RAMP1: variants seen among roughly 807,000 people sequenced by gnomAD.
The protein encoded by RAMP1 is receptor activity-modifying protein 1.
In RAMP1, 7 loss-of-function variants were observed where a neutral mutation model predicts 8.2. The ratio of observed to expected loss-of-function variants is 0.85; its 90% CI spans 0.49 to 1.60. The LOEUF (loss-of-function observed/expected upper bound fraction) is 1.60, where lower values mean the gene tolerates loss of function less well. RAMP1 is among the 40% of genes most tolerant of loss of function. RAMP1 has a pLI of 0.00. For synonymous variants in RAMP1, 92 were observed against 84.7 expected (o/e 1.09, Z -0.47); for missense variants, 192 against 202.4 (o/e 0.95, Z 0.31).
chr2:237,910,787 TCA>T (rs1179254031), intron 2 of RAMP1, among the ~76,000 whole-genome samples: 1 of 143,618 alleles, frequency 7.0e-6, no homozygotes, highest in African/African-American at 2.6e-5. Flanking sequence ...AAAATAACAG[TCA>T]CACAATGTCA....
intron 1 of RAMP1, among the ~76,000 whole-genome samples, chr2:237,864,609 C>T (rs995343150): frequency 1.3e-4 from 20 of 152,296 alleles, no homozygotes; most frequent in African/African-American, 4.6e-4. Context: ...GTGGGACACC[C>T]AGGGTCAGGA....
rs1279074021 is a variant in RAMP1, at chr2:237,878,416, G to T, written c.191+1054G>T. Among the ~76,000 whole-genome samples, 1 of 152,242 alleles carries T rather than the reference G, an allele frequency of 6.6e-6. No individual in the cohort carries two copies. The highest frequency in any genetic ancestry group is 1.5e-5 in the Non-Finnish European group (1 of 68,042). ...TCCAGACACACCCGGGCACAATTCT[G>T]TGGGGTTGAAGACCCCTAGTTGGAC... On this transcript the variant is annotated intron_variant, in intron 2 of 2. Transcript: ENST00000254661. This position sits in a 1 kb window ranked among gnomAD's most constrained non-coding sequence, Gnocchi z 5.7.
In RAMP1 at chr2:237,877,409, AG is replaced by A; in HGVS notation, c.191+52del. The A allele has an allele frequency of 6.3e-7, 1 of 1,583,236 alleles. No individual in the cohort carries two copies. Among genetic ancestry groups the A allele is most frequent in the African/African-American group, 1.3e-5 (1 of 74,520 alleles). On this transcript the variant is annotated intron_variant, in intron 2 of 2. Coordinates refer to ENST00000254661, the MANE Select transcript of RAMP1 (RefSeq NM_005855.4). This position sits in a 1 kb window ranked among gnomAD's most constrained non-coding sequence, Gnocchi z 4.4. ...GGGCAGGACACGGTTGGGGAGGGAG[AG>A]GGGGCAAGCGGAGGAGGAGTGGACC... is the stretch of plus-strand genomic sequence containing the variant.
At position 237,902,479 on chromosome 2, in the gene RAMP1, GA is replaced by G. The variant is rs554774997; in HGVS notation, c.192-9047del. Among the ~76,000 whole-genome samples the G allele has an allele frequency of 3.1e-3, 473 of 151,878 alleles. 5 individuals carry two copies. Among genetic ancestry groups the G allele is most frequent in the African/African-American group, 0.011 (437 of 41,390 alleles). On this transcript the variant is annotated intron_variant, in intron 2 of 2. Coordinates refer to ENST00000254661, the MANE Select transcript of RAMP1 (RefSeq NM_005855.4). Reference sequence around the variant, plus strand: ...GAGGTCTCCGCAGAGGGGGTGGGGGGAACACAGCGAGGAGGAAAGTGGGGTC... The same window carrying G: ...GAGGTCTCCGCAGAGGGGGTGGGGGGACACAGCGAGGAGGAAAGTGGGGTC...
At chr2:237,911,378 C>A in intron 2 of RAMP1, 150 bp from the exon 3 acceptor site, 1 of 1,170,546 alleles carries the variant, frequency 8.5e-7, no homozygotes, top group Non-Finnish European at 1.2e-6. Context: ...CCCTGCCCTC[C>A]TGGATCCAGG....
chr2:237,895,563 C>T (rs550831242), intron 2 of RAMP1, among the ~76,000 whole-genome samples: 4 of 152,272 alleles, frequency 2.6e-5, no homozygotes, highest in African/African-American at 9.6e-5. Flanking sequence ...CCGATGGAGG[C>T]GGCCAGTTGG....
chr2:237,874,419 C>T (rs765176855), intron 1 of RAMP1, among the ~76,000 whole-genome samples: 17 of 152,194 alleles, frequency 1.1e-4, no homozygotes, highest in Non-Finnish European at 2.2e-4. Context: ...TTGTGCAGAC[C>T]CCGCTTCCCA....
At chr2:237,894,573 C>T (rs573698931) in intron 2 of RAMP1, among the ~76,000 whole-genome samples, 5 of 152,338 alleles carry the variant, frequency 3.3e-5, no homozygotes, top group South Asian at 4.1e-4. Context: ...CTGAATCCCC[C>T]GCCCCAGATG....
chr2:237,892,491 C>T (rs1262399946), intron 2 of RAMP1, among the ~76,000 whole-genome samples: 1 of 152,040 alleles, frequency 6.6e-6, no homozygotes. Flanking sequence ...AACTCCTGGG[C>T]TCAAGCAATC....
chr2:237,888,248 T>TTTCA (rs1405061398), intron 2 of RAMP1, among the ~76,000 whole-genome samples: 15 of 152,152 alleles, frequency 9.9e-5, no homozygotes, highest in Admixed American at 9.8e-4. Flanking sequence ...AGAGACAGGG[T>TTTCA]TTCACTATGT....
chr2:237,908,421 G>GTGGTGGTGGTGGTGGTA (rs1559956324), intron 2 of RAMP1, among the ~76,000 whole-genome samples: 2 of 52,584 alleles, frequency 3.8e-5, no homozygotes, highest in Non-Finnish European at 1.0e-4. Context: ...TGGTGGTGGT[G>GTGGTGGTGGTGGTGGTA]GTGGTGGTGG....
chr2:237,861,455 G>A (rs921554666), intron 1 of RAMP1, among the ~76,000 whole-genome samples: 1 of 152,162 alleles, frequency 6.6e-6, no homozygotes, highest in Non-Finnish European at 1.5e-5. Flanking sequence ...TACCAAGAAT[G>A]GCAATGTGGA....
At chr2:237,866,989 G>A (rs1182813542) in intron 1 of RAMP1, among the ~76,000 whole-genome samples, 1 of 152,126 alleles carries the variant, frequency 6.6e-6, no homozygotes, top group Non-Finnish European at 1.5e-5. Context: ...TTGGCTTCCC[G>A]AAGTGCTGGG....
In RAMP1 at chr2:237,862,394, C is replaced by A. The variant is rs578178954; in HGVS notation, c.52+2667C>A. ...TTTGTCTTCCTTCCACAGGCGCATG[C>A]CTGTCAGCGTGCTTATTACCAGTCC... is the stretch of plus-strand genomic sequence containing the variant. On this transcript the variant is annotated intron_variant, in intron 1 of 2. Transcript: ENST00000254661. The surrounding 1 kb of genome is among the most constrained non-coding windows in gnomAD (Gnocchi z 4.0). 6.6e-6 allele frequency among the ~76,000 whole-genome samples: 1 copy of A among 152,276 alleles called. No individual in the cohort carries two copies. Among genetic ancestry groups the A allele is most frequent in the Non-Finnish European group, 1.5e-5 (1 of 68,020 alleles).
At chr2:237,861,847 G>A (rs1407205713) in intron 1 of RAMP1, among the ~76,000 whole-genome samples, 5 of 131,594 alleles carry the variant, frequency 3.8e-5, no homozygotes, top group Admixed American at 7.6e-5. Context: ...GTGAAACTCC[G>A]TCTCAAAAAA....
chr2:237,882,778 G>A (rs1488177199), intron 2 of RAMP1, among the ~76,000 whole-genome samples: 1 of 152,072 alleles, frequency 6.6e-6, no homozygotes, highest in African/African-American at 2.4e-5. Flanking sequence ...GAGAGAACAC[G>A]AAGGCACAAA....
intron 1 of RAMP1, among the ~76,000 whole-genome samples, chr2:237,875,846 C>T (rs2062297792): frequency 6.6e-6 from 1 of 152,084 alleles, no homozygotes; most frequent in Non-Finnish European, 1.5e-5. Context: ...CCCACCCCAC[C>T]CCTGCATGGC....
At position 237,881,666 on chromosome 2, in the gene RAMP1, G is replaced by C. The variant is rs568607101; in HGVS notation, c.191+4304G>C. Among the ~76,000 whole-genome samples the C allele has an allele frequency of 3.3e-5, 5 of 152,338 alleles. No homozygotes were observed. In the East Asian group the frequency reaches 9.6e-4, roughly 29 times the overall value. Reference sequence around the variant, plus strand: ...ATGTGAGTTTGCATTTCTGTACTTAGGAGTGAATCCGAACATCTTTCGTAT... The same window carrying C: ...ATGTGAGTTTGCATTTCTGTACTTACGAGTGAATCCGAACATCTTTCGTAT... On this transcript the variant is annotated intron_variant, in intron 2 of 2. Coordinates refer to ENST00000254661, the MANE Select transcript of RAMP1 (RefSeq NM_005855.4).
At chr2:237,874,375 C>T (rs1373587767) in intron 1 of RAMP1, among the ~76,000 whole-genome samples, 2 of 152,230 alleles carry the variant, frequency 1.3e-5, no homozygotes, top group African/African-American at 4.8e-5. Context: ...AGGAGCAGCT[C>T]GGCCTCCGCA....
Sources: gnomAD v4.1 joint callset for allele counts (sites outside exome capture counted in the v4.1 genomes callset) on GRCh38, gnomAD v4.1.1 for gene constraint, Gnocchi (gnomAD v3.1) non-coding constraint, MANE v1.5 for transcripts, NCBI Gene and HGNC (gene_info 2026-07-23, HGNC 2026-07-21) for gene names.